MIPOL1: variants seen among roughly 807,000 people sequenced by gnomAD.
The protein encoded by MIPOL1 is mirror-image polydactyly gene 1 protein.
A neutral mutation model predicts 60.9 loss-of-function variants in MIPOL1; 57 were observed. That is an observed-to-expected ratio of 0.94 (90% CI 0.76 to 1.17). The LOEUF (loss-of-function observed/expected upper bound fraction) is 1.17. MIPOL1 is among the 50% of genes most tolerant of loss of function. MIPOL1 has a pLI of 0.00. For missense variants in MIPOL1, 551 were observed against 511.6 expected (o/e 1.08, Z -0.74); for synonymous variants, 179 against 168.8 (o/e 1.06, Z -0.47).
chr14:37,236,335 A>G (rs560312107), intron 1 of MIPOL1, among the ~76,000 whole-genome samples: 10 of 152,262 alleles, frequency 6.6e-5, no homozygotes, highest in East Asian at 1.9e-4. Context: ...TCATGTGTGT[A>G]TTAGCCATTT....
intron 10 of MIPOL1, among the ~76,000 whole-genome samples, chr14:37,406,287 A>G (rs1049210881): frequency 9.2e-5 from 14 of 152,266 alleles, no homozygotes; most frequent in African/African-American, 2.9e-4. Context: ...ACTGAATTGC[A>G]GATTGCATAA....
intron 9 of MIPOL1, among the ~76,000 whole-genome samples, chr14:37,326,987 A>G (rs1453770121): frequency 6.6e-6 from 1 of 152,210 alleles, no homozygotes; most frequent in Non-Finnish European, 1.5e-5. Context: ...GAGTGTAGCT[A>G]GAGACAATTC....
chr14:37,498,147 A>G (rs575572157), intron 11 of MIPOL1, among the ~76,000 whole-genome samples: 33 of 152,146 alleles, frequency 2.2e-4, no homozygotes, highest in Non-Finnish European at 4.4e-4. Flanking sequence ...AAAAATAGGC[A>G]ATTTACATTT....
chr14:37,365,767 G>A (rs1187769839), intron 9 of MIPOL1, among the ~76,000 whole-genome samples: 1 of 152,084 alleles, frequency 6.6e-6, no homozygotes, highest in East Asian at 1.9e-4. Context: ...TTCCAGAATA[G>A]TTTGAGTAGG....
At chr14:37,437,216 C>G (rs956920751) in intron 11 of MIPOL1, among the ~76,000 whole-genome samples, 5 of 152,002 alleles carry the variant, frequency 3.3e-5, no homozygotes, top group African/African-American at 9.7e-5. Flanking sequence ...CTTCCTGGTT[C>G]TGATTGAATC....
chr14:37,445,652 A>C (rs1233399258), intron 11 of MIPOL1, among the ~76,000 whole-genome samples: 2 of 152,000 alleles, frequency 1.3e-5, no homozygotes, highest in Admixed American at 1.3e-4. Flanking sequence ...TGGAGGCATC[A>C]CACTACCTAA....
At chr14:37,302,651 T>C (rs1316776355) in intron 7 of MIPOL1, among the ~76,000 whole-genome samples, 1 of 150,564 alleles carries the variant, frequency 6.6e-6, no homozygotes, top group Non-Finnish European at 1.5e-5. Context: ...TTTTTTTTGC[T>C]TATGGACATT....
rs1206907522 is a variant in MIPOL1 at position 37,355,241 on chromosome 14, C to G, written c.829-14276C>G. 1.1e-4 allele frequency among the ~76,000 whole-genome samples: 15 copies of G among 140,010 alleles called. No individual in the cohort carries two copies. In the South Asian group the frequency reaches 2.3e-3, roughly 22 times the overall value. The allele number at this position is 140,010 out of a possible 152,430, so 91.9% of individuals were successfully genotyped here. A position where few individuals can be genotyped will look rare whatever the true frequency, so the allele number is the denominator to read the frequency against. ...AGAATGTTGAATATTGGCCCCCACT[C>G]TCTTCTGGCTTGTAGGGTTTCTGCT... is the stretch of plus-strand genomic sequence containing the variant. On this transcript the variant is annotated intron_variant, in intron 9 of 12. Coordinates refer to ENST00000684589, the MANE Select transcript of MIPOL1 (RefSeq NM_001388067.1).
At chr14:37,336,674 C>A (rs1052217857) in intron 9 of MIPOL1, among the ~76,000 whole-genome samples, 4 of 151,900 alleles carry the variant, frequency 2.6e-5, no homozygotes, top group Non-Finnish European at 5.9e-5. Context: ...ATTTCTGAGT[C>A]TGGCTCTGAT....
chr14:37,382,139 C>A (rs2092940954), intron 10 of MIPOL1, among the ~76,000 whole-genome samples: 1 of 151,850 alleles, frequency 6.6e-6, no homozygotes, highest in African/African-American at 2.4e-5. Flanking sequence ...GAAATTTTTT[C>A]ATTCTTTGAG....
chr14:37,258,107 A>G (rs1463545024), intron 3 of MIPOL1, among the ~76,000 whole-genome samples: 2 of 152,170 alleles, frequency 1.3e-5, no homozygotes, highest in Admixed American at 1.3e-4. Flanking sequence ...TCATCCATCC[A>G]TTAGAACTAA....
chr14:37,208,331 T>C (rs538528102), intron 1 of MIPOL1, among the ~76,000 whole-genome samples: 17 of 152,282 alleles, frequency 1.1e-4, no homozygotes, highest in Admixed American at 9.2e-4. Context: ...TATTGAAGCA[T>C]ACCAGTTTCC....
At chr14:37,465,351 AACTT>A (rs1176603219) in intron 11 of MIPOL1, among the ~76,000 whole-genome samples, 1 of 152,136 alleles carries the variant, frequency 6.6e-6, no homozygotes, top group Non-Finnish European at 1.5e-5. Context: ...CTTAAAAACT[AACTT>A]AATATGTCAC....
chr14:37,542,309 T>C (rs1003231135), intron 12 of MIPOL1, among the ~76,000 whole-genome samples: 1 of 152,196 alleles, frequency 6.6e-6, no homozygotes, highest in Non-Finnish European at 1.5e-5. Flanking sequence ...CTTTATATAT[T>C]TGTTGTCATT....
chr14:37,539,036 A>C (rs2095518877), intron 12 of MIPOL1, among the ~76,000 whole-genome samples: 1 of 152,080 alleles, frequency 6.6e-6, no homozygotes, highest in Non-Finnish European at 1.5e-5. Context: ...CCCCGTCTCT[A>C]CTAAAAATAC....
chr14:37,205,606 C>A (rs751629898), intron 1 of MIPOL1, among the ~76,000 whole-genome samples: 5 of 152,050 alleles, frequency 3.3e-5, no homozygotes, highest in Admixed American at 6.5e-5. Flanking sequence ...TCTCCAAATG[C>A]TGTCCCCCGC....
chr14:37,511,179 A>G (rs1039563554), intron 12 of MIPOL1, among the ~76,000 whole-genome samples: 4 of 152,238 alleles, frequency 2.6e-5, no homozygotes, highest in Admixed American at 6.5e-5. Context: ...GCTAGCCAGT[A>G]TAGGCATATC....
chr14:37,216,417 A>C (rs564113047), intron 1 of MIPOL1, among the ~76,000 whole-genome samples: 2 of 152,356 alleles, frequency 1.3e-5, no homozygotes, highest in Admixed American at 1.3e-4. Context: ...CTTCGTTTGC[A>C]TTATAGACCA....
At chr14:37,204,538 T>C (rs1965786540) in intron 1 of MIPOL1, among the ~76,000 whole-genome samples, 1 of 152,124 alleles carries the variant, frequency 6.6e-6, no homozygotes, top group Admixed American at 6.5e-5. Flanking sequence ...TGTGATGGTT[T>C]TATAAGGGGA....
Sources: allele counts gnomAD v4.1 joint callset (sites outside exome capture counted in the v4.1 genomes callset), GRCh38; gene constraint gnomAD v4.1.1; transcripts MANE v1.5; gene names NCBI Gene and HGNC (gene_info 2026-07-23, HGNC 2026-07-21).